Variants in IL17RD observed in about 807,000 individuals in gnomAD.
IL17RD encodes the protein interleukin-17 receptor D.
In IL17RD, 52 loss-of-function variants were observed where a neutral mutation model predicts 80.5. The ratio of observed to expected loss-of-function variants is 0.65; its 90% CI spans 0.52 to 0.81. IL17RD has a LOEUF of 0.81. Among genes scored for constraint, IL17RD ranks in the 40% least tolerant of loss-of-function variants. The probability of loss-of-function intolerance (pLI) is 0.00; values close to 1 mark genes in which losing one functional copy is unlikely to be tolerated. For missense variants in IL17RD, 1,024 were observed against 955.1 expected, an observed-to-expected ratio of 1.07 and a Z score of -0.95; for synonymous variants, 416 against 391.8, an observed-to-expected ratio of 1.06 and a Z score of -0.73.
chr3:57,134,643 C>T lies in IL17RD; in HGVS notation c.127-14330G>A, dbSNP rs116701070. On this transcript the variant is annotated intron_variant, in intron 1 of 12. Coordinates refer to ENST00000296318, the MANE Select transcript of IL17RD (RefSeq NM_017563.5). ...CCGCAGGTCTAAGACCAAGGAAGCA[C>T]GCAAGCACCATGAAGACCGCCTACA... is the stretch of plus-strand genomic sequence containing the variant. The T allele has an allele frequency of 2.6e-3, 2,050 of 774,512 alleles. 34 individuals carry two copies. The African/African-American group carries it at 0.03, about 11-fold the overall frequency. 48.0% of individuals were successfully genotyped at this position (774,512 alleles called of 1,614,324 possible).
intron 1 of IL17RD, among the ~76,000 whole-genome samples, chr3:57,146,374 C>A (rs17057784): frequency 0.22 from 34,016 of 152,034 alleles, 4,500 homozygotes; most frequent in East Asian, 0.38. Flanking sequence ...AGGTAAATCA[C>A]CAGGTGAAAG....
rs547797077 is a variant in IL17RD at position 57,132,352 on chromosome 3, C to T, written c.127-12039G>A. Among the ~76,000 whole-genome samples, 63 of 150,466 alleles carry T rather than the reference C, an allele frequency of 4.2e-4. 1 individual carries two copies. The highest frequency in any genetic ancestry group is 1.4e-3 in the African/African-American group (58 of 40,874). ...GCACCTGCCTGTAATCCCAGCTACT[C>T]GGGAGGCTGAGGCAGGAGAATCGCT... On this transcript the variant is annotated intron_variant, in intron 1 of 12. Transcript: ENST00000296318.
chr3:57,096,567 C>T, intron 12 of IL17RD, 62 bp from the exon 13 acceptor site: 1 of 1,155,850 alleles, frequency 8.7e-7, no homozygotes, highest in Non-Finnish European at 1.3e-6. Context: ...TGGGCAGGTG[C>T]TCATGGCAGA....
chr3:57,126,620 G>A (rs1180357304), intron 1 of IL17RD, among the ~76,000 whole-genome samples: 1 of 152,140 alleles, frequency 6.6e-6, no homozygotes, highest in Non-Finnish European at 1.5e-5. Flanking sequence ...ACTTCCCAGA[G>A]CAACATTTCC....
rs117931988 is a variant in IL17RD, at chr3:57,160,384, T to A, written c.126+4777A>T. On this transcript the variant is annotated intron_variant, in intron 1 of 12. Transcript: ENST00000296318. ...AAAGCACTAGCAGTTCTTTCCTTTGTTGGGAAGTTGTAAGATTTGAACTGC... is the reference window on the plus strand; with the variant it reads ...AAAGCACTAGCAGTTCTTTCCTTTGATGGGAAGTTGTAAGATTTGAACTGC... Among the ~76,000 whole-genome samples the A allele has an allele frequency of 8.5e-5, 13 of 152,280 alleles. No individual in the cohort carries two copies. The East Asian group carries it at 2.5e-3, about 29-fold the overall frequency.
chr3:57,136,641 CAAAAAAAAAAAAA>C (rs59941543), intron 1 of IL17RD, among the ~76,000 whole-genome samples: 1 of 48,100 alleles, frequency 2.1e-5, no homozygotes, highest in Non-Finnish European at 4.0e-5. Context: ...AACCCCCACT[CAAAAAAAAAAAAA>C]AAAAAAAAAA....
intron 1 of IL17RD, among the ~76,000 whole-genome samples, chr3:57,162,075 G>A (rs1210774504): frequency 6.6e-6 from 1 of 152,224 alleles, no homozygotes; most frequent in African/African-American, 2.4e-5. Context: ...AACCAGGCCA[G>A]CCCATGGCTC....
chr3:57,167,744 T>C (rs2060354268), upstream of IL17RD, among the ~76,000 whole-genome samples: 1 of 152,230 alleles, frequency 6.6e-6, no homozygotes, highest in South Asian at 2.1e-4. Flanking sequence ...AAACTGTTCA[T>C]TATGGTATTA....
intron 1 of IL17RD, among the ~76,000 whole-genome samples, chr3:57,136,956 T>C (rs1707744176): frequency 6.6e-6 from 1 of 152,172 alleles, no homozygotes; most frequent in Non-Finnish European, 1.5e-5. Flanking sequence ...CTGAGCTCTA[T>C]GTGTAATAAG....
intron 1 of IL17RD, among the ~76,000 whole-genome samples, chr3:57,127,278 ATATATAAAT>A (rs1707492170): frequency 1.2e-5 from 1 of 83,486 alleles, no homozygotes; most frequent in Non-Finnish European, 2.1e-5. Context: ...ATATAAAAAT[ATATATAAAT>A]ATATATAAAT....
In IL17RD at chr3:57,101,211, C is replaced by T. The variant is rs1249482730; in HGVS notation, c.1132G>A (p.Ala378Thr). 9 of 1,613,482 alleles carry T rather than the reference C, an allele frequency of 5.6e-6. No individual in the cohort carries two copies. The highest frequency in any genetic ancestry group is 5.3e-5 in the African/African-American group (4 of 74,874). ...QNHMNVVQCF[A>T]YFLQDFCGCE... Reference sequence around the variant, plus strand: ...CCACAGAAGTCCTGGAGGAAGTAGGCGAAACACTGGACGACATTCATGTGA... The same window carrying T: ...CCACAGAAGTCCTGGAGGAAGTAGGTGAAACACTGGACGACATTCATGTGA... The change falls in exon 11 of 13, where the codon GCC (alanine) becomes ACC (threonine). Residue 378 changes from alanine to threonine, a missense_variant. By Grantham distance (58) the Ala-to-Thr change is moderately conservative. Transcript: ENST00000296318.
chr3:57,136,539 T>C (rs905333784), intron 1 of IL17RD, among the ~76,000 whole-genome samples: 2 of 151,574 alleles, frequency 1.3e-5, no homozygotes, highest in African/African-American at 4.9e-5. Context: ...GGAGGATCTC[T>C]TGAGCCCAGG....
chr3:57,124,189 C>T (rs1707399366), intron 1 of IL17RD, among the ~76,000 whole-genome samples: 1 of 152,176 alleles, frequency 6.6e-6, no homozygotes, highest in African/African-American at 2.4e-5. Flanking sequence ...CCCTCAGAAA[C>T]CACCTTAGCA....
chr3:57,133,012 C>T (rs1474332426), intron 1 of IL17RD, among the ~76,000 whole-genome samples: 1 of 152,072 alleles, frequency 6.6e-6, no homozygotes, highest in Non-Finnish European at 1.5e-5. Flanking sequence ...ATCTAAAATT[C>T]CAACTTTCCA....
intron 2 of IL17RD, among the ~76,000 whole-genome samples, chr3:57,119,551 G>C (rs1000450805): frequency 6.6e-6 from 1 of 151,902 alleles, no homozygotes; most frequent in Non-Finnish European, 1.5e-5. Flanking sequence ...GAAAAGAAAA[G>C]AGAAAAGAAC....
chr3:57,152,519 C>T (rs1012306879), intron 1 of IL17RD, among the ~76,000 whole-genome samples: 2 of 152,198 alleles, frequency 1.3e-5, no homozygotes, highest in African/African-American at 2.4e-5. Context: ...CCTGCGCCCT[C>T]GTAGTCTCTC....
chr3:57,133,283 T>C (rs890542682), intron 1 of IL17RD, among the ~76,000 whole-genome samples: 1 of 152,246 alleles, frequency 6.6e-6, no homozygotes, highest in African/African-American at 2.4e-5. Context: ...TCCCTGTAAC[T>C]TTACATCGTC....
chr3:57,112,186 GGA>G (rs1457194915), intron 3 of IL17RD, among the ~76,000 whole-genome samples: 1 of 152,136 alleles, frequency 6.6e-6, no homozygotes, highest in East Asian at 1.9e-4. Context: ...CAGCTTCCCA[GGA>G]AAGAACTTAT....
intron 1 of IL17RD, among the ~76,000 whole-genome samples, chr3:57,155,443 T>C (rs2060260863): frequency 6.6e-6 from 1 of 152,254 alleles, no homozygotes; most frequent in African/African-American, 2.4e-5. Context: ...AGTGGGAACC[T>C]GGCTTGAAGC....
Sources: gnomAD v4.1 joint callset for allele counts (sites outside exome capture counted in the v4.1 genomes callset) on GRCh38, gnomAD v4.1.1 for gene constraint, MANE v1.5 for transcripts, NCBI Gene and HGNC (gene_info 2026-07-23, HGNC 2026-07-21) for gene names.